JAKMIP3: variants seen among roughly 807,000 people sequenced by gnomAD.
JAKMIP3 encodes Janus kinase and microtubule interacting protein 3, also known as janus kinase and microtubule-interacting protein 3.
In JAKMIP3, 58 loss-of-function variants were observed where a neutral mutation model predicts 118.5. That is an observed-to-expected ratio of 0.49 (90% confidence interval 0.40 to 0.61). The LOEUF is 0.61. Ranked by LOEUF, JAKMIP3 falls within the 20% of genes least tolerant of loss-of-function variation. The pLI is 0.00. For synonymous variants in JAKMIP3, 486 were observed against 451.2 expected, an observed-to-expected ratio of 1.08 and a Z score of -0.98; for missense variants, 950 against 1,109.0, an observed-to-expected ratio of 0.86 and a Z score of 2.04.
intron 3 of JAKMIP3, among the ~76,000 whole-genome samples, chr10:132,121,872 C>A (rs897202049): frequency 6.6e-6 from 1 of 152,114 alleles, no homozygotes; most frequent in African/African-American, 2.4e-5. Flanking sequence ...AGGACAGTCG[C>A]GTCTGGCAGG....
In JAKMIP3 at chr10:132,142,006, G is replaced by A; in HGVS notation, c.1560G>A (p.Gln520=). Residue 520 remains glutamine (Q), a synonymous_variant, in exon 11 of 24, where the codon CAG becomes CAA. Transcript: ENST00000684848. ...TGCAGCGTGCCTACGCTTTGTTGCA[G>A]GAGCAGGTTGGAGGGACGCTGGACG... ...QALQRAYALL[Q]EQVGGTLDAE... 1 of 1,608,710 alleles carries A rather than the reference G, an allele frequency of 6.2e-7. No homozygotes were observed. Among genetic ancestry groups the A allele is most frequent in the South Asian group, 1.1e-5 (1 of 89,964 alleles).
At chr10:132,038,810 A>C (rs7099543) in intron 1 of JAKMIP3, among the ~76,000 whole-genome samples, 17,436 of 138,952 alleles carry the variant, frequency 0.13, 1,203 homozygotes, top group African/African-American at 0.14. Context: ...AAAAAAAAAA[A>C]CCATCATAAA....
intron 15 of JAKMIP3, 50 bp downstream of exon 15, chr10:132,149,560 G>GCCCCACCCCCTCCCTGCCCCC: frequency 1.7e-6 from 1 of 601,304 alleles, no homozygotes; most frequent in East Asian, 5.1e-5. Flanking sequence ...CCCATCCCCC[G>GCCCCACCCCCTCCCTGCCCCC]CCCCACCCCC....
Position 132,163,277 on chromosome 10 carries a change from G to A in JAKMIP3, c.2289G>A (p.Glu763=). ...LQQEAGAKVA[E]LLSEEEREKL... The stretch of plus-strand genomic sequence containing the variant: ...AGGAGGCCGGGGCTAAGGTGGCTGA[G>A]CTGCTGTCAGAGGAGGAGCGCGAGA... The change falls in exon 20 of 24, where the codon GAG becomes GAA. Residue 763 remains glutamate, a synonymous_variant. Coordinates refer to ENST00000684848, the MANE Select transcript of JAKMIP3 (RefSeq NM_001323087.2). 6.3e-7 allele frequency: 1 copy of A among 1,595,910 alleles called. No individual in the cohort carries two copies. The highest frequency in any genetic ancestry group is 8.5e-7 in the Non-Finnish European group (1 of 1,172,290).
chr10:132,045,798 G>A (rs2037891657), intron 1 of JAKMIP3, among the ~76,000 whole-genome samples: 1 of 152,096 alleles, frequency 6.6e-6, no homozygotes. Flanking sequence ...GCTGGGCTTG[G>A]TGGCACATAC....
chr10:132,129,668 A>G (rs1330526560), intron 3 of JAKMIP3, among the ~76,000 whole-genome samples: 1 of 152,156 alleles, frequency 6.6e-6, no homozygotes, highest in African/African-American at 2.4e-5. Flanking sequence ...CTACAGGCTC[A>G]GGGATCTGCC....
intron 15 of JAKMIP3, 28 bp downstream of exon 15, chr10:132,149,538 GCCCCCACCTCACCCAT>G (rs1167048377): frequency 1.0e-5 from 9 of 890,926 alleles, no homozygotes; most frequent in Non-Finnish European, 1.4e-5. Context: ...TGCCCACTCC[GCCCCCACCTCACCCAT>G]CCCCCGCCCC....
intron 1 of JAKMIP3, among the ~76,000 whole-genome samples, chr10:132,097,912 C>CTTCCTTCCTTTTCTTTTCTCCCCTTCT (rs1253476652): frequency 2.2e-5 from 1 of 46,360 alleles, no homozygotes; most frequent in Non-Finnish European, 4.8e-5. Flanking sequence ...CTTCCCCTTC[C>CTTCCTTCCTTTTCTTTTCTCCCCTTCT]CCTTCCCCTT....
intron 1 of JAKMIP3, among the ~76,000 whole-genome samples, chr10:132,080,472 ATTAT>A (rs1393654100): frequency 8.4e-6 from 1 of 118,910 alleles, no homozygotes; most frequent in Non-Finnish European, 1.8e-5. Context: ...TTAAGATCAG[ATTAT>A]TTATTTTCTT....
chr10:132,124,845 CCT>C lies in JAKMIP3; in HGVS notation c.633+7275_633+7276del, dbSNP rs766852004. 2.9e-3 allele frequency among the ~76,000 whole-genome samples: 441 copies of C among 152,358 alleles called. 2 individuals carry two copies. Among genetic ancestry groups the C allele is most frequent in the Non-Finnish European group, 5.2e-3 (356 of 68,028 alleles). ...GCCATTCGGCTGGTGGGCAGAGCCC[CCT>C]CTCGTTCTACATCCTCATCAGTGAC... On this transcript the variant is annotated intron_variant, in intron 3 of 23. Transcript: ENST00000684848.
Position 132,112,593 on chromosome 10 carries a change from T to A in JAKMIP3, c.136-4484T>A, listed in dbSNP as rs188861032. 1.3e-3 allele frequency among the ~76,000 whole-genome samples: 198 copies of A among 152,322 alleles called. 1 individual carries two copies. The highest frequency in any genetic ancestry group is 4.6e-3 in the African/African-American group (192 of 41,564). On this transcript the variant is annotated intron_variant, in intron 2 of 23. Transcript: ENST00000684848. The surrounding 1 kb of genome is among the most constrained non-coding windows in gnomAD (Gnocchi z 4.3). ...GGCTCTGTGTTCACAGAGATTTATG[T>A]GAATGTCTTGCATTTTAAAGAAGTC...
At chr10:132,129,948 C>T (rs753085922) in intron 3 of JAKMIP3, among the ~76,000 whole-genome samples, 47 of 151,010 alleles carry the variant, frequency 3.1e-4, no homozygotes, top group Non-Finnish European at 4.4e-4. Flanking sequence ...TTGGGAACCA[C>T]CTTCTCATGG....
In JAKMIP3 at chr10:132,044,274, C is replaced by G. The variant is rs2037844927; in HGVS notation, c.-138+7536C>G. 1.3e-5 allele frequency among the ~76,000 whole-genome samples: 2 copies of G among 152,208 alleles called. No homozygotes were observed. Among genetic ancestry groups the G allele is most frequent in the Non-Finnish European group, 2.9e-5 (2 of 68,036 alleles). On this transcript the variant is annotated intron_variant, in intron 1 of 23. Transcript: ENST00000657785. This position sits in a 1 kb window ranked among gnomAD's most constrained non-coding sequence, Gnocchi z 5.3. ...CGTCTCCTGGTCCAGGCATCGTGGA[C>G]CTCCCTGGGGTGAGTAGTCAACACA...
At position 132,149,962 on chromosome 10, in the gene JAKMIP3, A is replaced by G. The variant is rs9419380; in HGVS notation, c.1948-20A>G. ...GCCCACCCCGTGGCCACTCACCCCT[A>G]CCTGTCCTCTGTGCCTTAGGACATT... On this transcript the variant is annotated intron_variant, in intron 15 of 23. Transcript: ENST00000684848. 1,043,730 of 1,432,170 alleles carry G rather than the reference A, an allele frequency of 0.73. 383,280 individuals carry two copies. The highest frequency in any genetic ancestry group is 0.92 in the East Asian group (33,908 of 36,754). The allele number at this position is 1,432,170 out of a possible 1,614,324, so 88.7% of individuals were successfully genotyped here.
At chr10:132,129,960 A>G (rs2050266989) in intron 3 of JAKMIP3, among the ~76,000 whole-genome samples, 1 of 146,814 alleles carries the variant, frequency 6.8e-6, no homozygotes, top group Non-Finnish European at 1.5e-5. Context: ...TTCTCATGGT[A>G]TTGGCAGATT....
chr10:132,069,968 G>T (rs937785893), intron 1 of JAKMIP3, among the ~76,000 whole-genome samples: 1 of 152,168 alleles, frequency 6.6e-6, no homozygotes, highest in African/African-American at 2.4e-5. Context: ...GAGTTCTGCA[G>T]CCTACCCTGT....
At chr10:132,042,496 C>G (rs375964213) in intron 1 of JAKMIP3, among the ~76,000 whole-genome samples, 3 of 152,324 alleles carry the variant, frequency 2.0e-5, no homozygotes, top group Non-Finnish European at 4.4e-5. Flanking sequence ...GCGTGAGCCA[C>G]GGCGCCTGCT....
intron 1 of JAKMIP3, among the ~76,000 whole-genome samples, chr10:132,043,866 G>C (rs776025650): frequency 2.0e-5 from 3 of 152,230 alleles, no homozygotes; most frequent in Non-Finnish European, 4.4e-5. Flanking sequence ...AAAATCCCAA[G>C]AGGAGAATAA....
rs1462741161 is a variant in JAKMIP3 at position 132,098,627 on chromosome 10, A to G, written c.-137-6045A>G. Reference sequence around the variant, plus strand: ...TCCCTTAAGAGCCCTTCTAGGTATCACTGTGAGGCCAGCTTAGTGGCGTTG... The same window carrying G: ...TCCCTTAAGAGCCCTTCTAGGTATCGCTGTGAGGCCAGCTTAGTGGCGTTG... On this transcript the variant is annotated intron_variant, in intron 1 of 23. Transcript: ENST00000684848. Among the ~76,000 whole-genome samples the G allele has an allele frequency of 2.0e-5, 3 of 152,196 alleles. No homozygotes were observed. In the East Asian group the frequency reaches 5.8e-4, roughly 29 times the overall value.
Sources: gnomAD v4.1 joint callset for allele counts (sites outside exome capture counted in the v4.1 genomes callset) on GRCh38, gnomAD v4.1.1 for gene constraint, Gnocchi (gnomAD v3.1) non-coding constraint, MANE v1.5 for transcripts, NCBI Gene and HGNC (gene_info 2026-07-23, HGNC 2026-07-21) for gene names.